Variants in NEDD9 observed in about 807,000 individuals in gnomAD.
The protein encoded by NEDD9 is neural precursor cell expressed, developmentally down-regulated 9.
NEDD9 carries 26 observed loss-of-function variants against 76.6 expected under a neutral mutation model. The observed-to-expected ratio is 0.34, with a 90% CI of 0.25 to 0.47. The LOEUF (loss-of-function observed/expected upper bound fraction) is 0.47, where lower values mean the gene tolerates loss of function less well. Ranked by LOEUF, NEDD9 falls within the 20% of genes least tolerant of loss-of-function variation. NEDD9 has a pLI of 1.00. For synonymous variants in NEDD9, 392 were observed against 414.2 expected (o/e 0.95, Z 0.65); for missense variants, 937 against 1,058.5 (o/e 0.89, Z 1.59).
chr6:11,227,582 G>T (rs987976248), intron 1 of NEDD9, among the ~76,000 whole-genome samples: 1 of 152,026 alleles, frequency 6.6e-6, no homozygotes, highest in Non-Finnish European at 1.5e-5. Flanking sequence ...CCAAGTCTTG[G>T]CCCCCTCAAA....
intron 3 of NEDD9, among the ~76,000 whole-genome samples, chr6:11,249,628 G>T (rs976295564): frequency 6.6e-6 from 1 of 152,152 alleles, no homozygotes; most frequent in African/African-American, 2.4e-5. Flanking sequence ...TCATGACTAA[G>T]GAAGAGGAGA....
intron 1 of NEDD9, among the ~76,000 whole-genome samples, chr6:11,379,362 CG>C (rs994449799): frequency 6.6e-6 from 1 of 152,018 alleles, no homozygotes; most frequent in African/African-American, 2.4e-5. Flanking sequence ...CTAAGGTGGG[CG>C]GGTCACCTGA....
chr6:11,381,296 A>T (rs1349372461), intron 1 of NEDD9, among the ~76,000 whole-genome samples: 1 of 152,216 alleles, frequency 6.6e-6, no homozygotes, highest in Non-Finnish European at 1.5e-5. Context: ...AGTTTAAATG[A>T]CTAGAGCGCC....
upstream of NEDD9, chr6:11,232,773 A>T: frequency 7.9e-7 from 1 of 1,263,792 alleles, no homozygotes; most frequent in African/African-American, 1.5e-5. Context: ...GCCCACCCCT[A>T]ATTCTGAAAA....
chr6:11,194,358 C>T (rs916612601), intron 2 of NEDD9, among the ~76,000 whole-genome samples: 4 of 152,088 alleles, frequency 2.6e-5, no homozygotes, highest in Non-Finnish European at 4.4e-5. Context: ...TCTAAAGTAC[C>T]GCATACTGAA....
In NEDD9 at chr6:11,318,823, G is replaced by T. The variant is rs542717842; in HGVS notation, c.-152-12668C>A. Among the ~76,000 whole-genome samples the T allele has an allele frequency of 1.9e-3, 292 of 149,844 alleles. 1 individual carries two copies. Among genetic ancestry groups the T allele is most frequent in the African/African-American group, 6.9e-3 (283 of 40,752 alleles). ...GGAGAGAAGCTCTGTTTTTAAAAATGTAAAAAAAAAAAATTGTTTTACTCT... is the reference window on the plus strand; with the variant it reads ...GGAGAGAAGCTCTGTTTTTAAAAATTTAAAAAAAAAAAATTGTTTTACTCT... On this transcript the variant is annotated intron_variant, in intron 2 of 3. Coordinates refer to the NEDD9 transcript ENST00000397378.
At chr6:11,234,242 C>G (rs1759555152), upstream of NEDD9, among the ~76,000 whole-genome samples, 2 of 152,158 alleles carry the variant, frequency 1.3e-5, no homozygotes, top group Admixed American at 6.5e-5. Flanking sequence ...TAACGATCTC[C>G]TTAAGAATCC....
intron 1 of NEDD9, among the ~76,000 whole-genome samples, chr6:11,355,846 C>G (rs528630288): frequency 6.8e-4 from 104 of 152,168 alleles, no homozygotes; most frequent in South Asian, 2.7e-3. Context: ...TCAGCCTCCC[C>G]AGTAGCTGGG....
chr6:11,220,350 C>T (rs73437348), intron 1 of NEDD9, among the ~76,000 whole-genome samples: 5,315 of 152,208 alleles, frequency 0.035, 348 homozygotes, highest in African/African-American at 0.12. Flanking sequence ...CACTTTGCCC[C>T]GAGTCCTCAA....
In NEDD9 at chr6:11,190,862, G is replaced by C. The variant is rs1264683187; in HGVS notation, c.1007C>G (p.Ala336Gly). Residue 336 changes from alanine to glycine, a missense_variant, in exon 5 of 7, where the codon GCA becomes GGA. Ala to Gly is a moderately conservative substitution (Grantham distance 60, BLOSUM62 0). Coordinates refer to ENST00000379446, the MANE Select transcript of NEDD9 (RefSeq NM_006403.4). This position sits in a 1 kb window ranked among gnomAD's most constrained non-coding sequence, Gnocchi z 5.8. ...AACACCATCCCTTTCCTGGGGGTTT[G>C]CTTTCTCACTGGTTTCTGCTGGTGG... ...LEPPAETSEK[A>G]NPQERDGVYD... The C allele has an allele frequency of 6.2e-7, 1 of 1,614,106 alleles. No individual in the cohort carries two copies. The highest frequency in any genetic ancestry group is 2.2e-5 in the East Asian group (1 of 44,866).
At chr6:11,192,959 A>AAAAT (rs1758197084) in intron 3 of NEDD9, among the ~76,000 whole-genome samples, 7 of 149,630 alleles carry the variant, frequency 4.7e-5, no homozygotes, top group Admixed American at 6.7e-5. Flanking sequence ...AAAAAAAAAA[A>AAAAT]GATCTTATGT....
At chr6:11,377,908 C>T (rs7750329) in intron 1 of NEDD9, among the ~76,000 whole-genome samples, 96,469 of 151,884 alleles carry the variant, frequency 0.64, 31,182 homozygotes, top group East Asian at 0.82. Context: ...CACCATCTAT[C>T]TGGTGATGAG....
At chr6:11,281,167 G>A (rs1760529084) in intron 3 of NEDD9, among the ~76,000 whole-genome samples, 1 of 152,212 alleles carries the variant, frequency 6.6e-6, no homozygotes, top group South Asian at 2.1e-4. Context: ...GTTGCAGATG[G>A]TATCAGTTGT....
intron 1 of NEDD9, among the ~76,000 whole-genome samples, chr6:11,343,519 ATCTCTG>A (rs1762313001): frequency 6.6e-6 from 1 of 151,990 alleles, no homozygotes; most frequent in Non-Finnish European, 1.5e-5. Context: ...CCTAGCACAT[ATCTCTG>A]TCTAACACAC....
At chr6:11,276,503 C>G (rs1428978614) in intron 3 of NEDD9, among the ~76,000 whole-genome samples, 1 of 152,148 alleles carries the variant, frequency 6.6e-6, no homozygotes, top group Non-Finnish European at 1.5e-5. Context: ...TTCCTAGGGC[C>G]TAGAACAGGG....
At chr6:11,220,817 C>A (rs1205702726) in intron 1 of NEDD9, among the ~76,000 whole-genome samples, 1 of 152,172 alleles carries the variant, frequency 6.6e-6, no homozygotes, top group African/African-American at 2.4e-5. Flanking sequence ...TCCTCTCCTT[C>A]CCCATACTTG....
At chr6:11,377,688 T>C (rs929211273) in intron 1 of NEDD9, among the ~76,000 whole-genome samples, 15 of 152,232 alleles carry the variant, frequency 9.9e-5, no homozygotes, top group Non-Finnish European at 1.5e-5. Flanking sequence ...GATGCTGGAA[T>C]CAATTCAGAC....
At chr6:11,222,484 A>G (rs2113773860) in intron 1 of NEDD9, among the ~76,000 whole-genome samples, 1 of 152,348 alleles carries the variant, frequency 6.6e-6, no homozygotes, top group East Asian at 1.9e-4. Context: ...TAGTTAGAAG[A>G]CAGGGAAAAG....
In NEDD9 at chr6:11,282,158, T is replaced by C. The variant is rs184261521; in HGVS notation, c.12+23834A>G. 1.5e-3 allele frequency among the ~76,000 whole-genome samples: 221 copies of C among 152,372 alleles called. 2 individuals carry two copies. Among genetic ancestry groups the C allele is most frequent in the Middle Eastern group, 0.014 (4 of 294 alleles). On this transcript the variant is annotated intron_variant, in intron 3 of 3. Transcript: ENST00000397378. ...CTGTAGCACAAGGTACTTTAATACA[T>C]GGTTTCAGGTGTTCATCTCCTTTAA...
Sources: gnomAD v4.1 joint callset for allele counts (sites outside exome capture counted in the v4.1 genomes callset) on GRCh38, gnomAD v4.1.1 for gene constraint, Gnocchi (gnomAD v3.1) non-coding constraint, MANE v1.5 for transcripts, NCBI Gene and HGNC (gene_info 2026-07-23, HGNC 2026-07-21) for gene names.